GRID2: variants seen among roughly 807,000 people sequenced by gnomAD.
The protein encoded by GRID2 is glutamate ionotropic receptor delta type subunit 2, also known as glutamate receptor ionotropic, delta-2.
A neutral mutation model predicts 114.8 loss-of-function variants in GRID2; 33 were observed. That is an observed-to-expected ratio of 0.29 (90% CI 0.22 to 0.38). The LOEUF is 0.38. Ranked by LOEUF, GRID2 falls within the 10% of genes least tolerant of loss-of-function variation. The pLI, the probability that GRID2 is intolerant of heterozygous loss-of-function variation, is 1.00. For synonymous variants in GRID2, 505 were observed against 449.9 expected (o/e 1.12, Z -1.55); for missense variants, 1,184 against 1,257.7 (o/e 0.94, Z 0.89).
intron 4 of GRID2, among the ~76,000 whole-genome samples, chr4:93,117,907 G>A (rs939400616): frequency 1.3e-5 from 2 of 152,126 alleles, no homozygotes; most frequent in African/African-American, 4.8e-5. Context: ...GGCTTACAAA[G>A]AACCAAACCA....
At chr4:92,627,140 AGG>A (rs1730560954) in intron 2 of GRID2, among the ~76,000 whole-genome samples, 1 of 152,080 alleles carries the variant, frequency 6.6e-6, no homozygotes, top group South Asian at 2.1e-4. Context: ...AATTAGATAC[AGG>A]TTATAAGACA....
intron 2 of GRID2, among the ~76,000 whole-genome samples, chr4:92,866,280 C>T (rs1744856604): frequency 6.6e-6 from 1 of 152,212 alleles, no homozygotes; most frequent in Admixed American, 6.5e-5. Flanking sequence ...ACCCACTTAT[C>T]AGTTGCTTCC....
chr4:92,995,578 A>G (rs1182693748), intron 2 of GRID2, among the ~76,000 whole-genome samples: 3 of 152,180 alleles, frequency 2.0e-5, no homozygotes, highest in South Asian at 2.1e-4. Context: ...TTGTATAAGT[A>G]AGAGTTTCAC....
At chr4:93,616,918 G>A (rs970982680) in intron 13 of GRID2, among the ~76,000 whole-genome samples, 18 of 151,386 alleles carry the variant, frequency 1.2e-4, no homozygotes, top group African/African-American at 2.7e-4. Flanking sequence ...GCGTGAACCC[G>A]GGAGGTGGAG....
intron 2 of GRID2, among the ~76,000 whole-genome samples, chr4:92,747,795 TA>T (rs1200633454): frequency 6.6e-6 from 1 of 152,184 alleles, no homozygotes; most frequent in East Asian, 1.9e-4. Context: ...TACTTCCAGG[TA>T]AGACCTTGAT....
chr4:93,113,476 C>T (rs182672027), intron 4 of GRID2, among the ~76,000 whole-genome samples: 74 of 152,184 alleles, frequency 4.9e-4, no homozygotes, highest in East Asian at 3.5e-3. Context: ...GATCAGTGCT[C>T]GAGATGTAGT....
At chr4:93,091,259 G>T (rs1485575912) in intron 3 of GRID2, among the ~76,000 whole-genome samples, 2 of 152,128 alleles carry the variant, frequency 1.3e-5, no homozygotes, top group Non-Finnish European at 2.9e-5. Flanking sequence ...TAGTGGCAGA[G>T]AAGGTATTTA....
chr4:92,730,053 T>C (rs1381616264), intron 2 of GRID2, among the ~76,000 whole-genome samples: 2 of 152,000 alleles, frequency 1.3e-5, no homozygotes, highest in South Asian at 2.1e-4. Flanking sequence ...TCTTAGCTCT[T>C]GTATTAGTTG....
intron 13 of GRID2, among the ~76,000 whole-genome samples, chr4:93,566,092 A>G (rs1251510498): frequency 1.3e-5 from 2 of 152,098 alleles, no homozygotes; most frequent in African/African-American, 2.4e-5. Context: ...GTCCTCTACC[A>G]TATTTCTACA....
At chr4:92,817,872 T>C (rs570403230) in intron 2 of GRID2, among the ~76,000 whole-genome samples, 20 of 152,222 alleles carry the variant, frequency 1.3e-4, no homozygotes, top group African/African-American at 2.9e-4. Flanking sequence ...GTAAGTTCTA[T>C]GGCAATTTAG....
Position 93,140,043 on chromosome 4 carries a change from A to G in GRID2, c.735+29090A>G, listed in dbSNP as rs141866045. 1.2e-3 allele frequency among the ~76,000 whole-genome samples: 186 copies of G among 152,342 alleles called. 2 individuals carry two copies. The East Asian group carries it at 0.033, about 27-fold the overall frequency. ...ACTTGAAATAGATATATGCAAACAA[A>G]AAATATGAAACAGAAGTTACAAAAA... On this transcript the variant is annotated intron_variant, in intron 4 of 15. Coordinates refer to ENST00000282020, the MANE Select transcript of GRID2 (RefSeq NM_001510.4).
chr4:92,524,342 G>C (rs1468411467), intron 1 of GRID2, among the ~76,000 whole-genome samples: 1 of 150,476 alleles, frequency 6.6e-6, no homozygotes, highest in East Asian at 2.0e-4. Context: ...TCTAACATGG[G>C]TATCAGTAGC....
At chr4:92,533,191 TG>T (rs1725433645) in intron 1 of GRID2, among the ~76,000 whole-genome samples, 1 of 145,160 alleles carries the variant, frequency 6.9e-6, no homozygotes, top group Admixed American at 7.1e-5. Context: ...TGTGTTTTTT[TG>T]TTTTTTTTGT....
At chr4:92,486,546 TTCA>T (rs1722897022) in intron 1 of GRID2, among the ~76,000 whole-genome samples, 1 of 76,704 alleles carries the variant, frequency 1.3e-5, no homozygotes, top group Non-Finnish European at 2.7e-5. Context: ...CTCTCTCTCT[TTCA>T]CACACACACA....
At chr4:92,861,087 G>C (rs1233292949) in intron 2 of GRID2, among the ~76,000 whole-genome samples, 1 of 151,954 alleles carries the variant, frequency 6.6e-6, no homozygotes, top group African/African-American at 2.4e-5. Context: ...CCAAAGTCTA[G>C]ATTATTAAAT....
At chr4:92,842,008 C>A (rs1470210915) in intron 2 of GRID2, among the ~76,000 whole-genome samples, 25 of 152,046 alleles carry the variant, frequency 1.6e-4, no homozygotes, top group Non-Finnish European at 8.8e-5. Context: ...GGAGAAGTTA[C>A]TACCAAATTG....
intron 2 of GRID2, among the ~76,000 whole-genome samples, chr4:92,852,212 G>A (rs539557931): frequency 6.6e-6 from 1 of 151,868 alleles, no homozygotes; most frequent in South Asian, 2.1e-4. Flanking sequence ...TGTAAGGGAG[G>A]TATTTGTCTA....
chr4:93,387,745 G>A (rs1042923662), intron 8 of GRID2, among the ~76,000 whole-genome samples: 3 of 150,616 alleles, frequency 2.0e-5, no homozygotes, highest in African/African-American at 4.9e-5. Flanking sequence ...CAAGAGAATC[G>A]CTTGAACCTG....
intron 12 of GRID2, among the ~76,000 whole-genome samples, chr4:93,509,724 G>T (rs750499242): frequency 3.9e-5 from 6 of 152,170 alleles, no homozygotes; most frequent in Non-Finnish European, 7.3e-5. Context: ...ACCTCTTGGG[G>T]ATGGCCTGCC....
Sources: gnomAD v4.1 joint callset for allele counts (sites outside exome capture counted in the v4.1 genomes callset) on GRCh38, gnomAD v4.1.1 for gene constraint, MANE v1.5 for transcripts, NCBI Gene and HGNC (gene_info 2026-07-23, HGNC 2026-07-21) for gene names.